Variants in EML4 observed in about 807,000 individuals in gnomAD.
EML4 encodes echinoderm microtubule-associated protein-like 4.
A neutral mutation model predicts 129.0 loss-of-function variants in EML4; 72 were observed. The ratio of observed to expected loss-of-function variants is 0.56; its 90% CI spans 0.46 to 0.68. The LOEUF (loss-of-function observed/expected upper bound fraction) is 0.68, where lower values mean the gene tolerates loss of function less well. EML4 is among the 30% of genes least tolerant of loss of function. The probability of loss-of-function intolerance (pLI) is 0.00; values close to 1 mark genes in which losing one functional copy is unlikely to be tolerated. For synonymous variants in EML4, 532 were observed against 405.0 expected, an observed-to-expected ratio of 1.31 and a Z score of -3.77; for missense variants, 1,363 against 1,190.6, an observed-to-expected ratio of 1.14 and a Z score of -2.13.
chr2:42,323,797 A>G (rs1669645763), intron 19 of EML4, among the ~76,000 whole-genome samples: 1 of 148,236 alleles, frequency 6.7e-6, no homozygotes, highest in South Asian at 2.1e-4. Context: ...AACAAAAATT[A>G]GCGGGGCGTG....
chr2:42,306,416 T>C (rs1668594732), intron 17 of EML4, among the ~76,000 whole-genome samples: 1 of 150,654 alleles, frequency 6.6e-6, no homozygotes, highest in Non-Finnish European at 1.5e-5. Context: ...TCACAAATGC[T>C]AAAGTCCTTG....
chr2:42,310,092 C>T (rs1185750909), intron 17 of EML4, among the ~76,000 whole-genome samples: 1 of 152,166 alleles, frequency 6.6e-6, no homozygotes, highest in Admixed American at 6.5e-5. Context: ...AAAGACTTCT[C>T]TTTCTCCATT....
chr2:42,318,885 T>C (rs1031452436), intron 19 of EML4, among the ~76,000 whole-genome samples: 1 of 152,040 alleles, frequency 6.6e-6, no homozygotes, highest in Non-Finnish European at 1.5e-5. Flanking sequence ...TTTTAATTTT[T>C]CATAGAGCTG....
intron 1 of EML4, among the ~76,000 whole-genome samples, chr2:42,210,881 A>G (rs1324438555): frequency 6.6e-6 from 1 of 152,166 alleles, no homozygotes. Flanking sequence ...GATTAATTTT[A>G]TACCACTCAG....
At chr2:42,288,106 G>T in intron 10 of EML4, 121 bp from the exon 11 acceptor site, 1 of 452,214 alleles carries the variant, frequency 2.2e-6, no homozygotes, top group Non-Finnish European at 4.0e-6. Flanking sequence ...TTCAGAGAGC[G>T]ATGAGTTTAA....
At chr2:42,275,929 C>T (rs1666632813) in intron 6 of EML4, among the ~76,000 whole-genome samples, 1 of 152,098 alleles carries the variant, frequency 6.6e-6, no homozygotes, top group Admixed American at 6.5e-5. Context: ...TGATCAGTCC[C>T]ATCGCCCATC....
rs564949998 is a variant in EML4, at chr2:42,326,003, AC to A, written c.2243-150del. The A allele has an allele frequency of 4.7e-4, 518 of 1,112,102 alleles. 1 individual carries two copies. The African/African-American group carries it at 7.9e-3, about 17-fold the overall frequency. The allele number at this position is 1,112,102 out of a possible 1,614,324, so 68.9% of individuals were successfully genotyped here. On this transcript the variant is annotated intron_variant, in intron 20 of 22. Transcript: ENST00000318522. ...AGTTTTATAAACCCTGTTAAAGTGA[AC>A]ACTTTCTTTTCCTTTTTAAATGTGT...
chr2:42,323,356 TTAAG>T (rs1190899868), intron 19 of EML4, among the ~76,000 whole-genome samples: 1 of 151,784 alleles, frequency 6.6e-6, no homozygotes, highest in African/African-American at 2.4e-5. Context: ...AATTGATTTC[TTAAG>T]TTAGTAGGTC....
intron 1 of EML4, among the ~76,000 whole-genome samples, chr2:42,179,802 A>G (rs554853122): frequency 1.7e-4 from 26 of 151,948 alleles, no homozygotes; most frequent in Admixed American, 7.9e-4. Flanking sequence ...GAGTTTCACT[A>G]TGTTGGTCAG....
chr2:42,289,464 C>CT (rs59453561), intron 11 of EML4: 19,033 of 152,170 alleles, frequency 0.13, 1,201 homozygotes, highest in East Asian at 0.18. Flanking sequence ...GCCCAGATCT[C>CT]TAACAGGTTT....
intron 1 of EML4, among the ~76,000 whole-genome samples, chr2:42,171,576 A>G (rs1167363811): frequency 2.0e-5 from 3 of 152,244 alleles, no homozygotes; most frequent in Non-Finnish European, 2.9e-5. Flanking sequence ...CACTTTTCAT[A>G]AAGAGCGTCA....
At chr2:42,278,787 T>A (rs1666807438) in intron 6 of EML4, among the ~76,000 whole-genome samples, 2 of 151,450 alleles carry the variant, frequency 1.3e-5, no homozygotes, top group African/African-American at 2.4e-5. Flanking sequence ...TACAAAAAAA[T>A]TAGCAAGGCA....
intron 1 of EML4, among the ~76,000 whole-genome samples, chr2:42,187,303 T>C (rs988370619): frequency 6.6e-6 from 1 of 152,060 alleles, no homozygotes; most frequent in Non-Finnish European, 1.5e-5. Context: ...CTGCTTCAGC[T>C]TCCCAAAGTT....
intron 6 of EML4, among the ~76,000 whole-genome samples, chr2:42,268,828 T>G (rs1467334356): frequency 6.6e-6 from 1 of 152,196 alleles, no homozygotes; most frequent in African/African-American, 2.4e-5. Flanking sequence ...TTTTCAGACT[T>G]GAATAATCTT....
intron 7 of EML4, among the ~76,000 whole-genome samples, chr2:42,281,375 C>A (rs547430964): frequency 1.4e-5 from 2 of 145,026 alleles, no homozygotes; most frequent in East Asian, 4.0e-4. Flanking sequence ...CCTGGGCGAC[C>A]GGGGAAAACT....
At chr2:42,320,137 C>G (rs1010209237) in intron 19 of EML4, 1 of 152,144 alleles carries the variant, frequency 6.6e-6, no homozygotes, top group Admixed American at 6.5e-5. Context: ...CTAGCTGATG[C>G]ATGGGTCCCT....
intron 11 of EML4, chr2:42,289,010 T>C (rs781225040): frequency 6.6e-6 from 1 of 152,204 alleles, no homozygotes; most frequent in Non-Finnish European, 1.5e-5. Flanking sequence ...ATCACATTAC[T>C]CTCCAACTCC....
intron 6 of EML4, among the ~76,000 whole-genome samples, chr2:42,277,051 A>AT (rs978696677): frequency 4.6e-5 from 7 of 151,044 alleles, no homozygotes; most frequent in Admixed American, 1.3e-4. Context: ...AAAGGAGAGC[A>AT]TTTTTTTTTC....
At chr2:42,241,581 A>T (rs184541973) in intron 1 of EML4, among the ~76,000 whole-genome samples, 1 of 152,314 alleles carries the variant, frequency 6.6e-6, no homozygotes, top group Non-Finnish European at 1.5e-5. Flanking sequence ...ATCCTGTTCC[A>T]ATCTATTTTC....
Sources: gnomAD v4.1 joint callset for allele counts (sites outside exome capture counted in the v4.1 genomes callset) on GRCh38, gnomAD v4.1.1 for gene constraint, MANE v1.5 for transcripts, NCBI Gene and HGNC (gene_info 2026-07-23, HGNC 2026-07-21) for gene names.